BABAM2: variants seen among roughly 807,000 people sequenced by gnomAD.
BABAM2 encodes the protein BRISC and BRCA1 A complex member 2, also known as BRISC and BRCA1-A complex member 2.
BABAM2 carries 31 observed loss-of-function variants against 54.7 expected under a neutral mutation model. The ratio of observed to expected loss-of-function variants is 0.57; its 90% CI spans 0.43 to 0.77. The LOEUF (loss-of-function observed/expected upper bound fraction) is 0.77, where lower values mean the gene tolerates loss of function less well. BABAM2 is among the 30% of genes least tolerant of loss of function. The pLI is 0.00. For synonymous variants in BABAM2, 167 were observed against 162.9 expected (o/e 1.03, Z -0.19); for missense variants, 364 against 455.8 (o/e 0.80, Z 1.83).
At chr2:27,991,780 A>T (rs1672794640) in intron 4 of BABAM2, among the ~76,000 whole-genome samples, 1 of 152,154 alleles carries the variant, frequency 6.6e-6, no homozygotes, top group African/African-American at 2.4e-5. Context: ...TTATTTATCC[A>T]TTCATCAGTT....
intron 11 of BABAM2, among the ~76,000 whole-genome samples, chr2:28,314,137 C>T (rs969046637): frequency 1.3e-5 from 2 of 152,154 alleles, no homozygotes; most frequent in African/African-American, 4.8e-5. Context: ...CTCCTAATCA[C>T]CTTACAGACA....
At chr2:28,256,857 G>C (rs1195443171) in intron 10 of BABAM2, among the ~76,000 whole-genome samples, 1 of 151,950 alleles carries the variant, frequency 6.6e-6, no homozygotes, top group East Asian at 1.9e-4. Flanking sequence ...AACACACCTG[G>C]CTAATTTTTG....
At chr2:27,992,914 T>C (rs1672880046) in intron 4 of BABAM2, among the ~76,000 whole-genome samples, 1 of 152,198 alleles carries the variant, frequency 6.6e-6, no homozygotes, top group Admixed American at 6.5e-5. Context: ...CTGAATGGCT[T>C]GTTCTCTCCT....
chr2:28,197,471 TA>T (rs1215660454), intron 7 of BABAM2, among the ~76,000 whole-genome samples: 2 of 152,194 alleles, frequency 1.3e-5, no homozygotes, highest in Non-Finnish European at 2.9e-5. Flanking sequence ...AAACACTTGC[TA>T]AAAAATGGGC....
chr2:28,266,925 G>A (rs147846158), intron 10 of BABAM2, among the ~76,000 whole-genome samples: 13,059 of 152,250 alleles, frequency 0.086, 711 homozygotes, highest in African/African-American at 0.15. Context: ...GGAGGCCAAG[G>A]CGTGTGGATC....
chr2:28,127,459 A>C (rs925982970), intron 6 of BABAM2, among the ~76,000 whole-genome samples: 4 of 152,122 alleles, frequency 2.6e-5, no homozygotes, highest in African/African-American at 9.7e-5. Context: ...AGAGAAGGGA[A>C]TAGAGAGTGT....
At chr2:27,905,774 G>A (rs1238108657) in intron 2 of BABAM2, among the ~76,000 whole-genome samples, 1 of 152,170 alleles carries the variant, frequency 6.6e-6, no homozygotes, top group Non-Finnish European at 1.5e-5. Context: ...AGCAGAAATG[G>A]ATGGGAGATC....
chr2:27,996,936 C>A (rs1673190598), intron 4 of BABAM2, among the ~76,000 whole-genome samples: 1 of 152,154 alleles, frequency 6.6e-6, no homozygotes, highest in Non-Finnish European at 1.5e-5. Context: ...CTGTACAGAG[C>A]TACTTCGTCC....
rs142254484 is a variant in BABAM2, at chr2:27,921,652, A to G, written c.129-8180A>G. The stretch of plus-strand genomic sequence containing the variant: ...GGGGTAATAACAGCACCTATCTTGG[A>G]AGGTTGCTGTAAGTTTAAATAGTTT... On this transcript the variant is annotated intron_variant, in intron 2 of 11. Coordinates refer to ENST00000379624, the MANE Select transcript of BABAM2 (RefSeq NM_199191.3). 2.8e-3 allele frequency among the ~76,000 whole-genome samples: 429 copies of G among 152,248 alleles called. 2 individuals carry two copies. The highest frequency in any genetic ancestry group is 0.01 in the African/African-American group (416 of 41,544).
intron 2 of BABAM2, among the ~76,000 whole-genome samples, chr2:27,917,153 G>A (rs949431180): frequency 6.6e-6 from 1 of 151,760 alleles, no homozygotes; most frequent in African/African-American, 2.4e-5. Flanking sequence ...AAGTGGCTGG[G>A]GCTACAGGCA....
At chr2:28,246,977 C>T (rs1682971000) in intron 10 of BABAM2, among the ~76,000 whole-genome samples, 1 of 152,222 alleles carries the variant, frequency 6.6e-6, no homozygotes. Flanking sequence ...GTATTTCTTA[C>T]AGCTCCTTCT....
chr2:28,295,050 AG>A (rs778857833), intron 10 of BABAM2, among the ~76,000 whole-genome samples: 8 of 152,252 alleles, frequency 5.3e-5, no homozygotes, highest in Non-Finnish European at 1.2e-4. Flanking sequence ...TCACTTGCCC[AG>A]GTAGATACAT....
At chr2:28,112,440 G>A (rs1668219854) in intron 6 of BABAM2, among the ~76,000 whole-genome samples, 2 of 151,604 alleles carry the variant, frequency 1.3e-5, no homozygotes, top group Non-Finnish European at 2.9e-5. Flanking sequence ...TCCCACTTAT[G>A]AGTGAGAACA....
chr2:27,922,097 C>T (rs755312417), intron 2 of BABAM2, among the ~76,000 whole-genome samples: 3 of 152,170 alleles, frequency 2.0e-5, no homozygotes, highest in Non-Finnish European at 4.4e-5. Context: ...ATATGGTTAG[C>T]GTGTCCTGTA....
chr2:27,946,601 A>G (rs527677285), intron 3 of BABAM2, among the ~76,000 whole-genome samples: 3 of 152,126 alleles, frequency 2.0e-5, no homozygotes, highest in East Asian at 1.9e-4. Flanking sequence ...GAATTCACCA[A>G]TGAAGCCATC....
Position 28,240,881 on chromosome 2 carries a change from A to C in BABAM2, c.781-442A>C, listed in dbSNP as rs369905990. Among the ~76,000 whole-genome samples the C allele has an allele frequency of 7.0e-3, 1,071 of 151,952 alleles. 14 individuals carry two copies. Among genetic ancestry groups the C allele is most frequent in the South Asian group, 0.048 (229 of 4,812 alleles). ...GCGAGACTCTGTCTCAAAAAAAAAA[A>C]AAAACAAAAAAAACCCATTTATTTT... On this transcript the variant is annotated intron_variant, in intron 8 of 11. Coordinates refer to ENST00000379624, the MANE Select transcript of BABAM2 (RefSeq NM_199191.3).
In BABAM2 at chr2:28,269,649, C is replaced by T. The variant is rs193095942; in HGVS notation, c.934+24787C>T. Among the ~76,000 whole-genome samples, 25 of 152,224 alleles carry T rather than the reference C, an allele frequency of 1.6e-4. No homozygotes were observed. The East Asian group carries it at 4.4e-3, about 27-fold the overall frequency. Reference sequence around the variant, plus strand: ...GGTGGTAACTGGAGATAAAGGCAGGCCACTCCTGTTTGAATGTTTGTCATT... The same window carrying T: ...GGTGGTAACTGGAGATAAAGGCAGGTCACTCCTGTTTGAATGTTTGTCATT... On this transcript the variant is annotated intron_variant, in intron 10 of 11. Coordinates refer to ENST00000379624, the MANE Select transcript of BABAM2 (RefSeq NM_199191.3).
intron 6 of BABAM2, among the ~76,000 whole-genome samples, chr2:28,112,116 T>C (rs1171317090): frequency 8.6e-5 from 1 of 11,610 alleles, no homozygotes; most frequent in Non-Finnish European, 1.7e-4. Context: ...TTTCTTTCTT[T>C]CTTTCTTTCT....
chr2:28,003,335 C>T (rs1029392471), intron 4 of BABAM2, among the ~76,000 whole-genome samples: 3 of 152,082 alleles, frequency 2.0e-5, no homozygotes, highest in Non-Finnish European at 2.9e-5. Flanking sequence ...CCAGAGATTT[C>T]AATTTATTTA....
Sources: gnomAD v4.1 joint callset for allele counts (sites outside exome capture counted in the v4.1 genomes callset) on GRCh38, gnomAD v4.1.1 for gene constraint, MANE v1.5 for transcripts, NCBI Gene and HGNC (gene_info 2026-07-23, HGNC 2026-07-21) for gene names.